Variants in RRBP1 observed in about 807,000 individuals in gnomAD.
RRBP1 encodes ribosome-binding protein 1.
RRBP1 carries 94 observed loss-of-function variants against 165.2 expected under a neutral mutation model. The ratio of observed to expected loss-of-function variants is 0.57; its 90% CI spans 0.48 to 0.68. The LOEUF (loss-of-function observed/expected upper bound fraction) is 0.68. Among genes scored for constraint, RRBP1 ranks in the 30% least tolerant of loss-of-function variants. The pLI is 0.00. For synonymous variants in RRBP1, 680 were observed against 714.5 expected (o/e 0.95, Z 0.77); for missense variants, 1,676 against 1,763.0 (o/e 0.95, Z 0.88).
intron 5 of RRBP1, among the ~76,000 whole-genome samples, chr20:17,637,609 G>C (rs3790321): frequency 0.14 from 20,714 of 152,192 alleles, 1,501 homozygotes; most frequent in Middle Eastern, 0.2. Flanking sequence ...GAGGAAGTCC[G>C]TCCCCTCCCC....
chr20:17,662,179 G>A (rs1183382524), intron 2 of RRBP1, among the ~76,000 whole-genome samples: 1 of 151,876 alleles, frequency 6.6e-6, no homozygotes, highest in East Asian at 1.9e-4. Context: ...AGGAGAATGG[G>A]ATGAACCTGG....
rs976303905 is a variant in RRBP1 at position 17,616,789 on chromosome 20, T to A, written c.3810A>T (p.Ile1270=). ...CTGGGGAGGAAGCTGGGGCCCCAGC[T>A]ATGTCACCATCCTCTACGTGGCTCT... is the stretch of plus-strand genomic sequence containing the variant. ...EMKSHVEDGD[I]AGAPASSPEA... is the part of the protein sequence containing the mutation. The change falls in exon 21 of 25, where the codon ATA becomes ATT. Residue 1270 remains isoleucine, a synonymous_variant. Coordinates refer to ENST00000377813, the MANE Select transcript of RRBP1 (RefSeq NM_001365613.2). 1.2e-6 allele frequency: 2 copies of A among 1,613,166 alleles called. No individual in the cohort carries two copies. Among genetic ancestry groups the A allele is most frequent in the Non-Finnish European group, 1.7e-6 (2 of 1,179,690 alleles).
At chr20:17,654,514 G>A (rs1029993494) in intron 3 of RRBP1, among the ~76,000 whole-genome samples, 6 of 152,284 alleles carry the variant, frequency 3.9e-5, no homozygotes, top group African/African-American at 9.6e-5. Flanking sequence ...CTTGAATTTC[G>A]GGCCTTACCA....
intron 2 of RRBP1, among the ~76,000 whole-genome samples, chr20:17,677,763 C>G (rs376908464): frequency 6.6e-6 from 1 of 151,800 alleles, no homozygotes; most frequent in African/African-American, 2.4e-5. Context: ...CACTTGAACC[C>G]GGGAGGTAGA....
At chr20:17,678,849 C>T (rs1031106056) in intron 2 of RRBP1, among the ~76,000 whole-genome samples, 7 of 152,138 alleles carry the variant, frequency 4.6e-5, no homozygotes, top group Admixed American at 6.5e-5. Flanking sequence ...GTCTCACTTG[C>T]GGTGTTTGAA....
Position 17,643,275 on chromosome 20 carries a change from T to G in RRBP1, c.1913-148A>C. The G allele has an allele frequency of 4.0e-6, 3 of 743,878 alleles. No individual in the cohort carries two copies. The highest frequency in any genetic ancestry group is 6.5e-6 in the Non-Finnish European group (3 of 460,738). The allele number at this position is 743,878 out of a possible 1,614,324, so 46.1% of individuals were successfully genotyped here. ...GTCAGCAGGCTGAGCATGGCGAGTC[T>G]GCTCCAGTGTCTCCTGCTCTTTCAG... is the stretch of plus-strand genomic sequence containing the variant. On this transcript the variant is annotated intron_variant, in intron 3 of 24. Coordinates refer to ENST00000377813, the MANE Select transcript of RRBP1 (RefSeq NM_001365613.2). The surrounding 1 kb of genome is among the most constrained non-coding windows in gnomAD (Gnocchi z 4.3).
In RRBP1 at chr20:17,672,748, C is replaced by T. The variant is rs545014117; in HGVS notation, c.-22+7251G>A. ...TAATAGCCCCAAACTGGAAACTCTC[C>T]AAGTACCCACCTACAGTAATGTGAA... is the stretch of plus-strand genomic sequence containing the variant. On this transcript the variant is annotated intron_variant, in intron 2 of 24. Coordinates refer to ENST00000377813, the MANE Select transcript of RRBP1 (RefSeq NM_001365613.2). Among the ~76,000 whole-genome samples, 37 of 152,344 alleles carry T rather than the reference C, an allele frequency of 2.4e-4. No individual in the cohort carries two copies. The South Asian group carries it at 7.0e-3, about 29-fold the overall frequency.
rs1357218208 is a variant in RRBP1 at position 17,616,717 on chromosome 20, G to C, written c.3867+15C>G. The C allele has an allele frequency of 1.3e-6, 2 of 1,577,316 alleles. No individual in the cohort carries two copies. Among genetic ancestry groups the C allele is most frequent in the South Asian group, 2.2e-5 (2 of 89,640 alleles). ...GGATTAGTGATGTGTCTGGGGACCA[G>C]CTCACCGCCCTAACCTGAACGGGGT... is the stretch of plus-strand genomic sequence containing the variant. On this transcript the variant is annotated intron_variant, in intron 21 of 24. Transcript: ENST00000377813.
At chr20:17,633,376 G>C (rs2036188796) in intron 8 of RRBP1, 84 bp downstream of exon 8, 1 of 1,457,048 alleles carries the variant, frequency 6.9e-7, no homozygotes, top group African/African-American at 1.4e-5. Flanking sequence ...AGTGTGGCAC[G>C]GCCAGCCTGG....
chr20:17,672,157 C>T (rs556450470), intron 2 of RRBP1, among the ~76,000 whole-genome samples: 2 of 152,338 alleles, frequency 1.3e-5, no homozygotes, highest in South Asian at 4.1e-4. Context: ...TAATTAGAAA[C>T]ACATGGGCCA....
chr20:17,634,335 C>T (rs374257665), intron 7 of RRBP1, among the ~76,000 whole-genome samples: 20 of 152,034 alleles, frequency 1.3e-4, no homozygotes, highest in African/African-American at 3.6e-4. Flanking sequence ...GCTGGGAAAC[C>T]GGGCTGAGGC....
intron 24 of RRBP1, 98 bp from the exon 25 acceptor site, chr20:17,614,318 AC>A: frequency 8.7e-7 from 1 of 1,148,010 alleles, no homozygotes; most frequent in Non-Finnish European, 1.2e-6. Context: ...CCCTGGATTG[AC>A]CCCCTCAAGC....
At position 17,659,687 on chromosome 20, in the gene RRBP1, G is replaced by A. The variant is rs1334371153; in HGVS notation, c.821C>T (p.Thr274Ile). 3.2e-6 allele frequency: 5 copies of A among 1,540,910 alleles called. No individual in the cohort carries two copies. In the South Asian group the frequency reaches 4.8e-5, roughly 15 times the overall value. The part of the protein sequence containing the change: ...GAQNQGKKVD[T>I]TPNQGKKVEG... ...CACCTTTTTCCCCTGGTTTGGGGTT[G>A]TATCTACCTTTTTACCCTGGTTCTG... The change falls in exon 3 of 25, where the codon ACA becomes ATA. Residue 274 changes from threonine (T) to isoleucine (I), a missense_variant. Thr to Ile is a moderately conservative substitution (Grantham distance 89). Around this residue, in one of 5 missense-constraint regions of RRBP1, gnomAD observed 392 missense variants for 382.5 expected, o/e 1.02. Transcript: ENST00000377813.
At chr20:17,658,300 G>A (rs1181369775) in intron 3 of RRBP1, among the ~76,000 whole-genome samples, 1 of 152,180 alleles carries the variant, frequency 6.6e-6, no homozygotes. Flanking sequence ...GAGGGCGCCA[G>A]AAGGACCACA....
At chr20:17,665,134 T>C (rs182606101) in intron 2 of RRBP1, among the ~76,000 whole-genome samples, 225 of 152,232 alleles carry the variant, frequency 1.5e-3, no homozygotes, top group African/African-American at 5.2e-3. Flanking sequence ...CACACACATG[T>C]GTATATGTAT....
In RRBP1 at chr20:17,661,306, G is replaced by A. The variant is rs148997322; in HGVS notation, c.-21-778C>T. 5.5e-3 allele frequency among the ~76,000 whole-genome samples: 836 copies of A among 152,360 alleles called. 12 individuals carry two copies. Among genetic ancestry groups the A allele is most frequent in the Middle Eastern group, 0.014 (4 of 294 alleles). On this transcript the variant is annotated intron_variant, in intron 2 of 24. Transcript: ENST00000377813. ...TTTTGCCAGCAATAGCTCCTGAGGA[G>A]TTATGGAGCCTGCAATTTGCATGTT...
intron 3 of RRBP1, among the ~76,000 whole-genome samples, chr20:17,654,534 G>T (rs140033390): frequency 6.6e-6 from 1 of 152,174 alleles, no homozygotes; most frequent in African/African-American, 2.4e-5. Flanking sequence ...ACTCAATCAC[G>T]TGTGTGTTTG....
intron 16 of RRBP1, 136 bp downstream of exon 16, chr20:17,621,322 C>T (rs926209533): frequency 4.7e-6 from 3 of 641,998 alleles, no homozygotes; most frequent in East Asian, 5.5e-5. Flanking sequence ...ACCATGCAGC[C>T]GAAGAACGGG....
rs142618268 is a variant in RRBP1 at position 17,643,114 on chromosome 20, G to A, written c.1926C>T (p.Ala642=). The A allele has an allele frequency of 1.9e-4, 300 of 1,613,876 alleles. 1 individual carries two copies. Among genetic ancestry groups the A allele is most frequent in the Middle Eastern group, 1.6e-3 (10 of 6,062 alleles). ...KKKGEPGPPD[A]DGPLYLPYKT... is the part of the protein sequence containing the mutation. ...TGTAGGGGAGGTAGAGAGGGCCGTC[G>A]GCATCTGGGGGCCCTGTGCAGCAAG... Residue 642 remains alanine, a synonymous_variant, in exon 4 of 25, where the codon GCC becomes GCT. Transcript: ENST00000377813. This position sits in a 1 kb window ranked among gnomAD's most constrained non-coding sequence, Gnocchi z 4.3.
Sources: gnomAD v4.1 joint callset for allele counts (sites outside exome capture counted in the v4.1 genomes callset) on GRCh38, gnomAD v4.1.1 for gene constraint, gnomAD v4.1.1 regional missense constraint, Gnocchi (gnomAD v3.1) non-coding constraint, MANE v1.5 for transcripts, NCBI Gene and HGNC (gene_info 2026-07-23, HGNC 2026-07-21) for gene names.